The following TRIM24 variants were observed in gnomAD, a reference collection of about 807,000 sequenced individuals.
TRIM24 encodes the protein transcription intermediary factor 1-alpha.
In TRIM24, 29 loss-of-function variants were observed where a neutral mutation model predicts 123.9. The observed-to-expected ratio is 0.23, with a 90% confidence interval of 0.17 to 0.32. The LOEUF (loss-of-function observed/expected upper bound fraction) is 0.32. Ranked by LOEUF, TRIM24 falls within the 10% of genes least tolerant of loss-of-function variation. TRIM24 has a pLI of 1.00. For missense variants in TRIM24, 932 were observed against 1,295.3 expected (o/e 0.72, Z 4.31); for synonymous variants, 456 against 461.1 (o/e 0.99, Z 0.14).
intron 14 of TRIM24, among the ~76,000 whole-genome samples, 197 bp from the exon 15 acceptor site, chr7:138,579,006 AT>A (rs376095851): frequency 1.4e-5 from 2 of 141,560 alleles, no homozygotes; most frequent in East Asian, 3.9e-4. Flanking sequence ...CCAGACTTAG[AT>A]TTTTTCTCTA....
At chr7:138,562,365 C>A (rs1443639337) in intron 9 of TRIM24, among the ~76,000 whole-genome samples, 1 of 152,124 alleles carries the variant, frequency 6.6e-6, no homozygotes, top group African/African-American at 2.4e-5. Context: ...GGCAAGTAAA[C>A]CAGGCAGCAC....
At chr7:138,557,283 G>T (rs112449126) in intron 9 of TRIM24, among the ~76,000 whole-genome samples, 273 of 152,052 alleles carry the variant, frequency 1.8e-3, no homozygotes, top group African/African-American at 6.4e-3. Context: ...TTTTAATTTC[G>T]GCTTCATTCC....
At chr7:138,518,400 C>T (rs1315384066) in intron 3 of TRIM24, among the ~76,000 whole-genome samples, 1 of 152,030 alleles carries the variant, frequency 6.6e-6, no homozygotes, top group South Asian at 2.1e-4. Context: ...TGGATTTTGC[C>T]TTTAATTATT....
intron 6 of TRIM24, among the ~76,000 whole-genome samples, chr7:138,535,392 C>G (rs1430794881): frequency 1.3e-5 from 2 of 152,160 alleles, no homozygotes; most frequent in East Asian, 1.9e-4. Flanking sequence ...CCTTCAGGAG[C>G]TCTGGTATGG....
intron 1 of TRIM24, among the ~76,000 whole-genome samples, chr7:138,502,389 A>G (rs1429823168): frequency 6.6e-6 from 1 of 152,248 alleles, no homozygotes; most frequent in African/African-American, 2.4e-5. Context: ...TAGGTTAAGT[A>G]TCATGATGAT....
At chr7:138,480,620 G>T (rs1350301337) in intron 1 of TRIM24, among the ~76,000 whole-genome samples, 1 of 151,906 alleles carries the variant, frequency 6.6e-6, no homozygotes, top group Non-Finnish European at 1.5e-5. Flanking sequence ...TTGGTGTGTG[G>T]GTGTTTTTTT....
At chr7:138,503,578 T>G (rs1165769397) in intron 1 of TRIM24, among the ~76,000 whole-genome samples, 1 of 151,932 alleles carries the variant, frequency 6.6e-6, no homozygotes, top group Non-Finnish European at 1.5e-5. Context: ...GGAACCTTAT[T>G]GCAGTCTTCC....
chr7:138,570,738 C>A, intron 10 of TRIM24, 92 bp from the exon 11 acceptor site: 1 of 1,234,418 alleles, frequency 8.1e-7, no homozygotes, highest in Non-Finnish European at 1.1e-6. Context: ...TACAGTTGAA[C>A]TCTTCTACTT....
intron 1 of TRIM24, among the ~76,000 whole-genome samples, chr7:138,481,158 A>G (rs557983453): frequency 6.6e-6 from 1 of 152,014 alleles, no homozygotes; most frequent in African/African-American, 2.4e-5. Flanking sequence ...ACGCCCGGCT[A>G]ATTTTGTATT....
intron 1 of TRIM24, among the ~76,000 whole-genome samples, chr7:138,464,854 C>T (rs557739728): frequency 6.6e-6 from 1 of 152,296 alleles, no homozygotes; most frequent in South Asian, 2.1e-4. Flanking sequence ...AAATCTGATT[C>T]TACCTAATCT....
At chr7:138,570,646 T>G (rs1797634604) in intron 10 of TRIM24, among the ~76,000 whole-genome samples, 184 bp from the exon 11 acceptor site, 1 of 149,962 alleles carries the variant, frequency 6.7e-6, no homozygotes, top group Admixed American at 6.6e-5. Context: ...CTGTTTTGGT[T>G]TTTTTTTTTT....
At chr7:138,540,011 A>C (rs1796971796) in intron 7 of TRIM24, among the ~76,000 whole-genome samples, 2 of 152,152 alleles carry the variant, frequency 1.3e-5, no homozygotes, top group Non-Finnish European at 2.9e-5. Flanking sequence ...CATGTTAGCC[A>C]GGATGGTCCC....
chr7:138,494,099 A>G (rs940882533), intron 1 of TRIM24, among the ~76,000 whole-genome samples: 2 of 151,984 alleles, frequency 1.3e-5, no homozygotes, highest in African/African-American at 4.8e-5. Flanking sequence ...ATCTCGCCTC[A>G]GCCTCCCAAG....
At chr7:138,578,563 T>C (rs13233864) in intron 14 of TRIM24, among the ~76,000 whole-genome samples, 66,431 of 144,990 alleles carry the variant, frequency 0.46, 15,214 homozygotes, top group African/African-American at 0.5. Flanking sequence ...TGTGTGTGTG[T>C]GCGCGCACGC....
intron 1 of TRIM24, chr7:138,461,239 G>A (rs1225492029): frequency 1.6e-6 from 1 of 608,758 alleles, no homozygotes; most frequent in Non-Finnish European, 3.1e-6. Flanking sequence ...GGAATCTCGG[G>A]TTCTTTGCCG....
chr7:138,478,473 T>TTTTA (rs1238088531), intron 1 of TRIM24, among the ~76,000 whole-genome samples: 6 of 151,998 alleles, frequency 3.9e-5, no homozygotes, highest in African/African-American at 9.7e-5. Flanking sequence ...AACCCTGTCT[T>TTTTA]TTTATTTATT....
chr7:138,463,225 T>TTTCCTTCC (rs781611170), intron 1 of TRIM24, among the ~76,000 whole-genome samples: 1 of 149,104 alleles, frequency 6.7e-6, no homozygotes, highest in African/African-American at 2.5e-5. Context: ...AAGGTTGGTT[T>TTTCCTTCC]TTCCTTCCTT....
intron 7 of TRIM24, among the ~76,000 whole-genome samples, chr7:138,547,920 A>G (rs1797132637): frequency 6.6e-6 from 1 of 152,228 alleles, no homozygotes; most frequent in East Asian, 1.9e-4. Flanking sequence ...TTGGGATGAC[A>G]GGTGTGAGCC....
At chr7:138,466,462 G>GGTTTTTTT (rs1563020272) in intron 1 of TRIM24, among the ~76,000 whole-genome samples, 1 of 32,670 alleles carries the variant, frequency 3.1e-5, no homozygotes, top group Admixed American at 3.3e-4. Context: ...AACTTAAGTT[G>GGTTTTTTT]CTTTTTTTTT....
Sources: allele counts gnomAD v4.1 joint callset (sites outside exome capture counted in the v4.1 genomes callset), GRCh38; gene constraint gnomAD v4.1.1; transcripts MANE v1.5; gene names NCBI Gene and HGNC (gene_info 2026-07-23, HGNC 2026-07-21).